SNX16: variants seen among roughly 807,000 people sequenced by gnomAD.
SNX16 encodes the protein sorting nexin 16.
SNX16 carries 35 observed loss-of-function variants against 36.7 expected under a neutral mutation model. The ratio of observed to expected loss-of-function variants is 0.95; its 90% CI spans 0.73 to 1.27. The LOEUF is 1.27. SNX16 is among the 50% of genes most tolerant of loss of function. The pLI is 0.00. For synonymous variants in SNX16, 134 were observed against 132.0 expected (o/e 1.02, Z -0.10); for missense variants, 367 against 393.6 (o/e 0.93, Z 0.57).
chr8:81,814,884 A>G (rs1179716460), intron 5 of SNX16: 2 of 152,292 alleles, frequency 1.3e-5, no homozygotes, highest in African/African-American at 4.8e-5. Context: ...CACGTCAATT[A>G]ATGTAATTTG....
Position 81,801,468 on chromosome 8 carries a change from T to A in SNX16, c.*29A>T. The A allele has an allele frequency of 7.3e-7, 1 of 1,372,400 alleles. No individual in the cohort carries two copies. The highest frequency in any genetic ancestry group is 1.0e-6 in the Non-Finnish European group (1 of 989,636). The allele number at this position is 1,372,400 out of a possible 1,614,324, so 85.0% of individuals were successfully genotyped here. A position where few individuals can be genotyped will look rare whatever the true frequency, so the allele number is the denominator to read the frequency against. On this transcript the variant is annotated 3_prime_UTR_variant, in exon 8 of 8. Transcript: ENST00000345957. ...GCCACTCTTCTAAATTTTTGAATAG[T>A]CTAAATGGAGGGAACTGCTTGTGAT...
chr8:81,809,025 A>C (rs1379709227), intron 5 of SNX16, among the ~76,000 whole-genome samples: 1 of 152,100 alleles, frequency 6.6e-6, no homozygotes. Context: ...TTGATTGCTA[A>C]ATGTAATAGT....
chr8:81,837,950 G>A (rs970996791), intron 2 of SNX16, among the ~76,000 whole-genome samples: 1 of 152,102 alleles, frequency 6.6e-6, no homozygotes, highest in African/African-American at 2.4e-5. Context: ...CTCCCATCCT[G>A]TCATAAATTT....
chr8:81,815,356 G>C lies in SNX16; in HGVS notation c.650C>G (p.Pro217Arg). 6.2e-7 allele frequency: 1 copy of C among 1,612,338 alleles called. No individual in the cohort carries two copies. Among genetic ancestry groups the C allele is most frequent in the Non-Finnish European group, 8.5e-7 (1 of 1,179,102 alleles). Residue 217 changes from proline to arginine, a missense_variant, in exon 5 of 8, where the codon CCG (proline) becomes CGG (arginine). Pro to Arg is a moderately radical substitution (Grantham distance 103). Transcript: ENST00000345957. ...TTCTTCTAGGCTATCAAATGGACCC[G>C]GTGGATCATCCAAACAAAGAAATTC... ...VREFLCLDDPPGPFDSLEESR... is the reference protein window; with the variant it reads ...VREFLCLDDPRGPFDSLEESR...
At chr8:81,802,927 C>G (rs984631533) in intron 6 of SNX16, among the ~76,000 whole-genome samples, 165 bp downstream of exon 6, 6 of 151,716 alleles carry the variant, frequency 4.0e-5, no homozygotes, top group African/African-American at 1.4e-4. Context: ...ATTTATTTAG[C>G]AAAATTATGC....
At chr8:81,832,643 T>G (rs1811320368) in intron 2 of SNX16, among the ~76,000 whole-genome samples, 1 of 151,962 alleles carries the variant, frequency 6.6e-6, no homozygotes, top group Non-Finnish European at 1.5e-5. Context: ...TTATGTACAA[T>G]TATGTAGGCT....
At chr8:81,811,984 A>G (rs905893465) in intron 5 of SNX16, among the ~76,000 whole-genome samples, 1 of 152,126 alleles carries the variant, frequency 6.6e-6, no homozygotes, top group African/African-American at 2.4e-5. Context: ...AAGAACAGTT[A>G]AAAAATAAGC....
intron 3 of SNX16, among the ~76,000 whole-genome samples, chr8:81,825,713 C>A (rs1586007764): frequency 1.3e-5 from 2 of 152,116 alleles, no homozygotes; most frequent in South Asian, 2.1e-4. Flanking sequence ...ATGAATATCA[C>A]AACTACAAAG....
intron 2 of SNX16, among the ~76,000 whole-genome samples, chr8:81,835,852 G>A (rs1811468855): frequency 6.6e-6 from 1 of 152,176 alleles, no homozygotes; most frequent in Non-Finnish European, 1.5e-5. Context: ...AGCTTGTGCA[G>A]GGAGACTCCC....
intron 4 of SNX16, among the ~76,000 whole-genome samples, chr8:81,820,128 G>A (rs2130687649): frequency 6.6e-6 from 1 of 152,176 alleles, no homozygotes; most frequent in Non-Finnish European, 1.5e-5. Flanking sequence ...CAGGTAATAT[G>A]CAACTAATTG....
chr8:81,810,600 A>T (rs1311824467), intron 5 of SNX16, among the ~76,000 whole-genome samples: 1 of 152,212 alleles, frequency 6.6e-6, no homozygotes, highest in Non-Finnish European at 1.5e-5. Context: ...TTTTAGAGAA[A>T]GAGTCTAGGA....
chr8:81,806,578 T>C (rs1809958463), intron 5 of SNX16, among the ~76,000 whole-genome samples: 1 of 151,978 alleles, frequency 6.6e-6, no homozygotes, highest in African/African-American at 2.4e-5. Context: ...AAACTCCATA[T>C]CCAACAGCAA....
At chr8:81,824,196 T>C (rs1418433209) in intron 3 of SNX16, among the ~76,000 whole-genome samples, 1 of 152,150 alleles carries the variant, frequency 6.6e-6, no homozygotes, top group Non-Finnish European at 1.5e-5. Flanking sequence ...TTAGTGGGGG[T>C]GTAGAACCAT....
intron 5 of SNX16, chr8:81,808,086 A>G: frequency 8.6e-7 from 1 of 1,166,112 alleles, no homozygotes; most frequent in Non-Finnish European, 1.3e-6. Flanking sequence ...TAACTGTGAA[A>G]AAGATATTTA....
intron 6 of SNX16, among the ~76,000 whole-genome samples, 163 bp from the exon 7 acceptor site, chr8:81,802,662 G>A (rs1418193470): frequency 6.6e-6 from 1 of 151,802 alleles, no homozygotes; most frequent in Non-Finnish European, 1.5e-5. Flanking sequence ...AAAATCAGTA[G>A]CTATGATTAA....
rs2130659671 is a variant in SNX16 at position 81,815,474 on chromosome 8, C to T, written c.612-80G>A. On this transcript the variant is annotated intron_variant, in intron 4 of 7. Coordinates refer to ENST00000345957, the MANE Select transcript of SNX16 (RefSeq NM_152836.3). ...GCAAAAAGCAAAAGTTACTTTGAAGCTGTACAGTGTTTTAAACAAGTTGGT... is the reference window on the plus strand; with the variant it reads ...GCAAAAAGCAAAAGTTACTTTGAAGTTGTACAGTGTTTTAAACAAGTTGGT... The T allele has an allele frequency of 5.2e-6, 6 of 1,151,018 alleles. No homozygotes were observed. The South Asian group carries it at 7.9e-5, about 15-fold the overall frequency. The allele number at this position is 1,151,018 out of a possible 1,614,324, so 71.3% of individuals were successfully genotyped here.
intron 2 of SNX16, 89 bp from the exon 3 acceptor site, chr8:81,829,605 T>C: frequency 4.2e-6 from 2 of 472,980 alleles, no homozygotes; most frequent in Non-Finnish European, 7.0e-6. Flanking sequence ...AAAATTTTAC[T>C]TGATAACCCA....
intron 2 of SNX16, among the ~76,000 whole-genome samples, chr8:81,834,987 A>G (rs1277060593): frequency 6.6e-6 from 1 of 152,222 alleles, no homozygotes; most frequent in Non-Finnish European, 1.5e-5. Flanking sequence ...CCCTAGCAGC[A>G]GTTTTCCATG....
intron 2 of SNX16, among the ~76,000 whole-genome samples, chr8:81,837,740 G>A (rs1811555736): frequency 2.0e-5 from 3 of 152,012 alleles, no homozygotes; most frequent in Non-Finnish European, 2.9e-5. Flanking sequence ...TTGAAGGAAC[G>A]CACATTCAGA....
Sources: gnomAD v4.1 joint callset for allele counts (sites outside exome capture counted in the v4.1 genomes callset) on GRCh38, gnomAD v4.1.1 for gene constraint, MANE v1.5 for transcripts, NCBI Gene and HGNC (gene_info 2026-07-23, HGNC 2026-07-21) for gene names.